The following GRM7 variants were observed in gnomAD, a reference collection of about 807,000 sequenced individuals.
The protein encoded by GRM7 is glutamate metabotropic receptor 7.
GRM7 carries 35 observed loss-of-function variants against 84.5 expected under a neutral mutation model. The ratio of observed to expected loss-of-function variants is 0.41; its 90% confidence interval spans 0.32 to 0.55. The LOEUF (loss-of-function observed/expected upper bound fraction) is 0.55, where lower values mean the gene tolerates loss of function less well. GRM7 is among the 20% of genes least tolerant of loss of function. The pLI, the probability that GRM7 is intolerant of heterozygous loss-of-function variation, is 0.19. For missense variants in GRM7, 1,003 were observed against 1,194.6 expected, an observed-to-expected ratio of 0.84 and a Z score of 2.36; for synonymous variants, 487 against 455.1, an observed-to-expected ratio of 1.07 and a Z score of -0.89.
chr3:7,193,665 CCTCTCT>C (rs139151825), intron 2 of GRM7, among the ~76,000 whole-genome samples: 1 of 149,952 alleles, frequency 6.7e-6, no homozygotes, highest in Non-Finnish European at 1.5e-5. Context: ...ATTTCTCTTT[CCTCTCT>C]CTCTCTCTCT....
chr3:7,347,344 G>C (rs1365354850), intron 4 of GRM7, among the ~76,000 whole-genome samples: 1 of 152,048 alleles, frequency 6.6e-6, no homozygotes, highest in Admixed American at 6.6e-5. Flanking sequence ...AGGATATTTG[G>C]AACCTACTCT....
At chr3:6,973,385 CA>C (rs1262862324) in intron 1 of GRM7, among the ~76,000 whole-genome samples, 2 of 152,130 alleles carry the variant, frequency 1.3e-5, no homozygotes, top group Non-Finnish European at 2.9e-5. Flanking sequence ...TCCCTATTTA[CA>C]AGGAGCTTGC....
intron 2 of GRM7, among the ~76,000 whole-genome samples, chr3:7,274,165 A>C (rs1490208007): frequency 6.6e-6 from 1 of 152,010 alleles, no homozygotes; most frequent in East Asian, 1.9e-4. Context: ...ATAGTATCAA[A>C]ATAATTCTAA....
At chr3:7,002,768 C>T (rs989457764) in intron 1 of GRM7, among the ~76,000 whole-genome samples, 1 of 152,130 alleles carries the variant, frequency 6.6e-6, no homozygotes, top group Non-Finnish European at 1.5e-5. Context: ...AAGCAGTATG[C>T]TGAAGAGTTG....
intron 7 of GRM7, among the ~76,000 whole-genome samples, chr3:7,518,491 G>T (rs1480843231): frequency 1.3e-5 from 2 of 152,164 alleles, no homozygotes; most frequent in African/African-American, 2.4e-5. Flanking sequence ...CTAGGAAAAG[G>T]TTTCATATCA....
chr3:7,617,129 G>A (rs1490920031), intron 8 of GRM7, among the ~76,000 whole-genome samples: 1 of 152,080 alleles, frequency 6.6e-6, no homozygotes, highest in Non-Finnish European at 1.5e-5. Flanking sequence ...TTCTTTGTGT[G>A]TGTGTGAAAA....
At chr3:7,636,391 C>T (rs1393663024) in intron 8 of GRM7, 5 of 433,588 alleles carry the variant, frequency 1.2e-5, no homozygotes, top group Admixed American at 2.5e-5. Flanking sequence ...TGCCTGGACA[C>T]ACACTGTCAT....
At chr3:7,616,404 G>A (rs531147768) in intron 8 of GRM7, among the ~76,000 whole-genome samples, 2 of 152,200 alleles carry the variant, frequency 1.3e-5, no homozygotes, top group East Asian at 1.9e-4. Flanking sequence ...ATCTCAGGAC[G>A]CTAATCTGGA....
chr3:7,271,100 T>C (rs1316917374), intron 2 of GRM7, among the ~76,000 whole-genome samples: 1 of 152,150 alleles, frequency 6.6e-6, no homozygotes, highest in African/African-American at 2.4e-5. Flanking sequence ...GCAGTATGTA[T>C]GGTGAGAAAA....
At chr3:7,533,329 A>T (rs1701117048) in intron 7 of GRM7, among the ~76,000 whole-genome samples, 1 of 152,230 alleles carries the variant, frequency 6.6e-6, no homozygotes, top group South Asian at 2.1e-4. Context: ...ATTAGAACTC[A>T]CGATTAAGAA....
At chr3:7,598,632 G>T (rs1012501636) in intron 8 of GRM7, among the ~76,000 whole-genome samples, 1 of 152,094 alleles carries the variant, frequency 6.6e-6, no homozygotes, top group African/African-American at 2.4e-5. Flanking sequence ...TATAATTCTT[G>T]GAACAATTAT....
intron 7 of GRM7, among the ~76,000 whole-genome samples, chr3:7,519,457 T>C (rs1700511979): frequency 1.3e-5 from 2 of 152,218 alleles, no homozygotes; most frequent in Admixed American, 1.3e-4. Context: ...TCTAGAACTT[T>C]TGCTGTTACA....
At chr3:7,331,489 C>T (rs1575177835) in intron 4 of GRM7, among the ~76,000 whole-genome samples, 1 of 152,208 alleles carries the variant, frequency 6.6e-6, no homozygotes, top group South Asian at 2.1e-4. Flanking sequence ...GCTCAAATTA[C>T]TGTGTAAGAC....
chr3:6,910,015 T>C (rs1696711152), intron 1 of GRM7, among the ~76,000 whole-genome samples: 1 of 152,212 alleles, frequency 6.6e-6, no homozygotes, highest in South Asian at 2.1e-4. Flanking sequence ...AATCCTTATA[T>C]AGGATTTTAT....
At chr3:6,872,841 A>G (rs1695172030) in intron 1 of GRM7, among the ~76,000 whole-genome samples, 1 of 151,938 alleles carries the variant, frequency 6.6e-6, no homozygotes, top group East Asian at 1.9e-4. Context: ...TATGTGCCAC[A>G]TTTTCTTTAT....
intron 8 of GRM7, among the ~76,000 whole-genome samples, chr3:7,662,919 C>T (rs1012839680): frequency 6.6e-6 from 1 of 152,130 alleles, no homozygotes; most frequent in Non-Finnish European, 1.5e-5. Flanking sequence ...AATGCAGAAA[C>T]AAGTTCTGGG....
At chr3:7,282,147 A>G (rs1699275018) in intron 2 of GRM7, among the ~76,000 whole-genome samples, 1 of 152,226 alleles carries the variant, frequency 6.6e-6, no homozygotes, top group Non-Finnish European at 1.5e-5. Flanking sequence ...CAGAAATGCT[A>G]TGTTAAAACA....
intron 2 of GRM7, among the ~76,000 whole-genome samples, chr3:7,221,074 G>C (rs1398126505): frequency 2.0e-5 from 3 of 152,116 alleles, no homozygotes; most frequent in Non-Finnish European, 4.4e-5. Context: ...TACAGCCTGG[G>C]CGACAGAGTA....
Position 7,579,265 on chromosome 3 carries a change from G to T in GRM7, c.2359G>T (p.Ala787Ser). 1 of 1,613,838 alleles carries T rather than the reference G, an allele frequency of 6.2e-7. No homozygotes were observed. Among genetic ancestry groups the T allele is most frequent in the Non-Finnish European group, 8.5e-7 (1 of 1,179,800 alleles). The change falls in exon 8 of 10, where the codon GCC becomes TCC. Residue 787 changes from alanine to serine, a missense_variant. By Grantham distance (99) the Ala-to-Ser change is moderately conservative. Transcript: ENST00000357716. ...TRGVPENFNE[A>S]KPIGFTMYTT... ...GGGTGTACCCGAGAATTTTAACGAAGCCAAGCCCATTGGATTCACTATGTA... is the reference window on the plus strand; with the variant it reads ...GGGTGTACCCGAGAATTTTAACGAATCCAAGCCCATTGGATTCACTATGTA...
Sources: allele counts gnomAD v4.1 joint callset (sites outside exome capture counted in the v4.1 genomes callset), GRCh38; gene constraint gnomAD v4.1.1; transcripts MANE v1.5; gene names NCBI Gene and HGNC (gene_info 2026-07-23, HGNC 2026-07-21).